Variants in ZNF670 observed in about 807,000 individuals in gnomAD.
The protein encoded by ZNF670 is zinc finger protein 670.
A neutral mutation model predicts 10.9 loss-of-function variants in ZNF670; 7 were observed. The observed-to-expected ratio is 0.64, with a 90% CI of 0.36 to 1.20. The LOEUF is 1.20. Among genes scored for constraint, ZNF670 ranks in the 50% most tolerant of loss-of-function variants. The pLI is 0.02. For missense variants in ZNF670, 446 were observed against 458.6 expected (o/e 0.97, Z 0.25); for synonymous variants, 136 against 152.7 (o/e 0.89, Z 0.81).
intron 1 of ZNF670, among the ~76,000 whole-genome samples, chr1:247,045,198 T>C (rs1670410634): frequency 6.6e-6 from 1 of 152,192 alleles, no homozygotes; most frequent in African/African-American, 2.4e-5. Flanking sequence ...TGCTCAAGTT[T>C]GAGAACATCT....
chr1:247,043,472 G>C (rs992537754), intron 1 of ZNF670: 1 of 649,526 alleles, frequency 1.5e-6, no homozygotes, highest in Non-Finnish European at 2.7e-6. Flanking sequence ...ATATGCCTTG[G>C]TTAATCAAGA....
chr1:247,063,577 C>CA (rs5782410), intron 1 of ZNF670, among the ~76,000 whole-genome samples: 11,091 of 92,944 alleles, frequency 0.12, 725 homozygotes, highest in East Asian at 0.16. Context: ...AGCGAGACAC[C>CA]AAAAAAAAAA....
At position 247,070,543 on chromosome 1, in the gene ZNF670, T is replaced by G. The variant is rs141233058; in HGVS notation, c.3+8051A>C. Among the ~76,000 whole-genome samples, 118 of 152,298 alleles carry G rather than the reference T, an allele frequency of 7.7e-4. No homozygotes were observed. In the East Asian group the frequency reaches 0.02, roughly 26 times the overall value. On this transcript the variant is annotated intron_variant, in intron 1 of 3. Coordinates refer to ENST00000366503, the MANE Select transcript of ZNF670 (RefSeq NM_033213.5). ...AGTATAAAAACCCTAGAGGAAAACC[T>G]AGGACATACCATTATGGACATAATC...
intron 1 of ZNF670, among the ~76,000 whole-genome samples, chr1:247,072,853 T>TACACACACACACACCC (rs1671170608): frequency 1.0e-5 from 1 of 100,006 alleles, no homozygotes; most frequent in African/African-American, 3.9e-5. Flanking sequence ...TACACACACA[T>TACACACACACACACCC]ACACACACAC....
intron 1 of ZNF670, among the ~76,000 whole-genome samples, chr1:247,052,891 G>C (rs1167931103): frequency 6.6e-6 from 1 of 152,152 alleles, no homozygotes; most frequent in Non-Finnish European, 1.5e-5. Flanking sequence ...TACCAAGGTG[G>C]GTAGAGAAGA....
chr1:247,072,691 G>A (rs1671146712), intron 1 of ZNF670, among the ~76,000 whole-genome samples: 1 of 150,512 alleles, frequency 6.6e-6, no homozygotes, highest in African/African-American at 2.4e-5. Context: ...GGAGGCTGAG[G>A]CAGGAGAATT....
chr1:247,040,287 G>A (rs1670273581), intron 1 of ZNF670, among the ~76,000 whole-genome samples: 1 of 152,284 alleles, frequency 6.6e-6, no homozygotes, highest in East Asian at 1.9e-4. Flanking sequence ...ATTAAACCCA[G>A]TTGTAAATAA....
intron 1 of ZNF670, among the ~76,000 whole-genome samples, chr1:247,056,556 T>C (rs1201614015): frequency 6.6e-6 from 1 of 152,192 alleles, no homozygotes; most frequent in Non-Finnish European, 1.5e-5. Context: ...TGTAAATACC[T>C]ACATCAAAAA....
intron 1 of ZNF670, chr1:247,043,879 A>C: frequency 9.2e-6 from 3 of 327,492 alleles, no homozygotes; most frequent in South Asian, 8.2e-5. Context: ...AAAAAGGAGA[A>C]TTAAACTGAA....
intron 1 of ZNF670, among the ~76,000 whole-genome samples, chr1:247,055,882 A>C (rs964721169): frequency 3.3e-5 from 5 of 152,236 alleles, no homozygotes; most frequent in African/African-American, 1.2e-4. Context: ...AGATGAAATA[A>C]ATTTCAAACA....
chr1:247,040,318 T>C (rs1236892701), intron 1 of ZNF670, among the ~76,000 whole-genome samples: 2 of 152,196 alleles, frequency 1.3e-5, no homozygotes, highest in Admixed American at 6.5e-5. Flanking sequence ...TTATCTTTAA[T>C]AACAAACAAA....
intron 1 of ZNF670, among the ~76,000 whole-genome samples, chr1:247,055,678 A>T (rs758704133): frequency 6.6e-6 from 1 of 152,224 alleles, no homozygotes; most frequent in Non-Finnish European, 1.5e-5. Flanking sequence ...TCACTGAATA[A>T]CACTGAGTTT....
Position 247,078,630 on chromosome 1 carries a change from G to C in ZNF670, c.-34C>G. ...CTCCGGTGTCTGGGGTCCTCCCTAA[G>C]GACCTTCCGGGACCTGCAGGTCCCA... On this transcript the variant is annotated 5_prime_UTR_variant, in exon 1 of 4. Transcript: ENST00000366503. 6.2e-7 allele frequency: 1 copy of C among 1,612,414 alleles called. No individual in the cohort carries two copies. Among genetic ancestry groups the C allele is most frequent in the Non-Finnish European group, 8.5e-7 (1 of 1,179,110 alleles).
Position 247,038,185 on chromosome 1 carries a change from T to C in ZNF670, c.434A>G (p.Gln145Arg). 3 of 1,614,200 alleles carry C rather than the reference T, an allele frequency of 1.9e-6. No individual in the cohort carries two copies. Among genetic ancestry groups the C allele is most frequent in the Non-Finnish European group, 2.5e-6 (3 of 1,180,030 alleles). Residue 145 changes from glutamine to arginine, a missense_variant, in exon 4 of 4, where the codon CAA becomes CGA. Coordinates refer to ENST00000366503, the MANE Select transcript of ZNF670 (RefSeq NM_033213.5). Reference sequence around the variant, plus strand: ...GAGAGAGATAAAGGCTTTCCCACATTGTTTGCAATGATATAACTTCTCTGG... The same window carrying C: ...GAGAGAGATAAAGGCTTTCCCACATCGTTTGCAATGATATAACTTCTCTGG... ...ECPEKLYHCK[Q>R]CGKAFISLTS...
chr1:247,048,123 T>C (rs1670501956), intron 1 of ZNF670, among the ~76,000 whole-genome samples: 1 of 152,244 alleles, frequency 6.6e-6, no homozygotes, highest in Non-Finnish European at 1.5e-5. Context: ...TCTGCTTCTC[T>C]TTTAAACATA....
At position 247,038,142 on chromosome 1, in the gene ZNF670, G is replaced by A. The variant is rs1032783249; in HGVS notation, c.477C>T (p.His159=). ...AFISLTSVDR[H]MVTHTSNGPY... ...GCCCATTACTAGTGTGTGTTACCAT[G>A]TGTCTGTCAACACTGGTGAGAGAGA... Residue 159 remains histidine (H), a synonymous_variant, in exon 4 of 4, where the codon CAC becomes CAT. Coordinates refer to ENST00000366503, the MANE Select transcript of ZNF670 (RefSeq NM_033213.5). 1 of 1,614,136 alleles carries A rather than the reference G, an allele frequency of 6.2e-7. No individual in the cohort carries two copies. Among genetic ancestry groups the A allele is most frequent in the Non-Finnish European group, 8.5e-7 (1 of 1,180,010 alleles).
rs1411276052 is a variant in ZNF670 at position 247,035,286 on chromosome 1, A to T, written c.*2163T>A. Among the ~76,000 whole-genome samples the T allele has an allele frequency of 5.3e-5, 8 of 152,216 alleles. No individual in the cohort carries two copies. The highest frequency in any genetic ancestry group is 1.2e-4 in the Non-Finnish European group (8 of 68,042). ...ACCCATGAGTGTACAGATAAGATTG[A>T]GAGAAGTTATTAGTTACATACATTC... is the stretch of plus-strand genomic sequence containing the variant. On this transcript the variant is annotated 3_prime_UTR_variant, in exon 4 of 4. Transcript: ENST00000366503.
intron 1 of ZNF670, among the ~76,000 whole-genome samples, chr1:247,056,912 G>A (rs1211646948): frequency 6.6e-6 from 1 of 152,154 alleles, no homozygotes; most frequent in Non-Finnish European, 1.5e-5. Flanking sequence ...AAGCATTGGG[G>A]AAACTCTTCA....
intron 1 of ZNF670, chr1:247,043,389 A>G (rs987247122): frequency 5.6e-6 from 3 of 539,998 alleles, no homozygotes; most frequent in Non-Finnish European, 1.0e-5. Flanking sequence ...TGTTAAAAAG[A>G]AAGTTCACCT....
Sources: gnomAD v4.1 joint callset for allele counts (sites outside exome capture counted in the v4.1 genomes callset) on GRCh38, gnomAD v4.1.1 for gene constraint, MANE v1.5 for transcripts, NCBI Gene and HGNC (gene_info 2026-07-23, HGNC 2026-07-21) for gene names.